The following DGKB variants were observed in gnomAD, a reference collection of about 807,000 sequenced individuals.
The protein encoded by DGKB is diacylglycerol kinase beta, also known as 90 kDa diacylglycerol kinase.
Under a neutral mutation model 114.3 loss-of-function variants are expected in DGKB, and 67 were observed. The ratio of observed to expected loss-of-function variants is 0.59; its 90% confidence interval spans 0.48 to 0.72. DGKB has a LOEUF of 0.72. Ranked by LOEUF, DGKB falls within the 30% of genes least tolerant of loss-of-function variation. The pLI, the probability that DGKB is intolerant of heterozygous loss-of-function variation, is 0.00. For missense variants in DGKB, 907 were observed against 975.2 expected (o/e 0.93, Z 0.93); for synonymous variants, 398 against 323.1 (o/e 1.23, Z -2.49).
chr7:14,475,477 A>G (rs1782032075), intron 21 of DGKB, among the ~76,000 whole-genome samples: 1 of 152,170 alleles, frequency 6.6e-6, no homozygotes, highest in African/African-American at 2.4e-5. Flanking sequence ...ATTGAAACAT[A>G]CATGCCTAAT....
chr7:14,614,352 AATGTAACCCT>A, intron 15 of DGKB, among the ~76,000 whole-genome samples: 1 of 152,222 alleles, frequency 6.6e-6, no homozygotes, highest in South Asian at 2.1e-4. Context: ...ATTCCTATTC[AATGTAACCCT>A]ATGTAACTCC....
intron 21 of DGKB, among the ~76,000 whole-genome samples, chr7:14,388,855 T>A (rs1395612447): frequency 1.3e-5 from 2 of 152,160 alleles, no homozygotes; most frequent in Non-Finnish European, 2.9e-5. Flanking sequence ...AGAAGCTTGT[T>A]GAACTCCTTC....
intron 2 of DGKB, among the ~76,000 whole-genome samples, chr7:14,823,316 G>A (rs968362248): frequency 7.9e-5 from 12 of 151,826 alleles, no homozygotes; most frequent in Admixed American, 5.3e-4. Context: ...TCTAAAACCA[G>A]CAGATTAAAA....
rs1821036970 is a variant in DGKB at position 14,682,686 on chromosome 7, A to T, written c.919-17T>A. ...GTGCATGACCTAGAACAGAATGACA[A>T]CATTGTGATAAGAGGACACACTACA... is the stretch of plus-strand genomic sequence containing the variant. On this transcript the variant is annotated splice_polypyrimidine_tract_variant and intron_variant, in intron 11 of 25. Coordinates refer to ENST00000402815, the MANE Select transcript of DGKB (RefSeq NM_001350709.2). 2 of 1,609,080 alleles carry T rather than the reference A, an allele frequency of 1.2e-6. No homozygotes were observed. The highest frequency in any genetic ancestry group is 1.7e-6 in the Non-Finnish European group (2 of 1,175,678).
intron 23 of DGKB, among the ~76,000 whole-genome samples, chr7:14,213,461 G>A (rs945183316): frequency 6.6e-6 from 1 of 152,142 alleles, no homozygotes; most frequent in African/African-American, 2.4e-5. Flanking sequence ...AGCATCGTCT[G>A]TCATTTATTC....
chr7:14,964,766 GATA>G (rs1787055725), intron 1 of DGKB, among the ~76,000 whole-genome samples: 1 of 152,084 alleles, frequency 6.6e-6, no homozygotes, highest in Non-Finnish European at 1.5e-5. Context: ...CATTAAATGA[GATA>G]AGATGCAAAA....
intron 1 of DGKB, among the ~76,000 whole-genome samples, chr7:14,921,196 G>A (rs1784495229): frequency 6.6e-6 from 1 of 152,108 alleles, no homozygotes; most frequent in Non-Finnish European, 1.5e-5. Context: ...GTGAGTAGGT[G>A]AGATTTTTAG....
chr7:14,818,752 A>G (rs371483331), intron 2 of DGKB, among the ~76,000 whole-genome samples: 101 of 152,290 alleles, frequency 6.6e-4, no homozygotes, highest in African/African-American at 2.2e-3. Flanking sequence ...GAAGGGAATG[A>G]GGATAAAGGC....
intron 20 of DGKB, among the ~76,000 whole-genome samples, chr7:14,520,832 T>C (rs1039248066): frequency 1.6e-4 from 25 of 152,102 alleles, no homozygotes; most frequent in Non-Finnish European, 3.7e-4. Context: ...AGTCGATAAA[T>C]GCCAGCAATG....
At chr7:14,582,403 C>T (rs1031477848) in intron 18 of DGKB, among the ~76,000 whole-genome samples, 15 of 152,066 alleles carry the variant, frequency 9.9e-5, no homozygotes, top group African/African-American at 2.4e-4. Context: ...AAAAATCGAG[C>T]GTTTTCAGTT....
intron 20 of DGKB, among the ~76,000 whole-genome samples, chr7:14,548,936 T>G (rs563049687): frequency 3.0e-4 from 46 of 151,856 alleles, no homozygotes; most frequent in Non-Finnish European, 6.5e-4. Context: ...TCTAGATGAG[T>G]GATCTAGGGC....
chr7:14,338,799 G>T, intron 22 of DGKB, 89 bp from the exon 23 acceptor site: 1 of 836,336 alleles, frequency 1.2e-6, no homozygotes. Context: ...CTTTTAATAA[G>T]TGCGTTGAAA....
At chr7:14,769,226 GAGAGAAAGAAAGAAAGAA>G (rs1341062914) in intron 2 of DGKB, among the ~76,000 whole-genome samples, 2 of 137,522 alleles carry the variant, frequency 1.5e-5, no homozygotes, top group Non-Finnish European at 3.1e-5. Flanking sequence ...GAGAAAGAGA[GAGAGAAAGAAAGAAAGAA>G]AGAAAGAAAG....
intron 4 of DGKB, among the ~76,000 whole-genome samples, chr7:14,748,211 A>G (rs1264242461): frequency 6.6e-6 from 1 of 152,206 alleles, no homozygotes; most frequent in Non-Finnish European, 1.5e-5. Flanking sequence ...AGAACACACA[A>G]AATTCCTTCC....
chr7:14,428,001 T>C (rs771363332), intron 21 of DGKB, among the ~76,000 whole-genome samples: 1 of 152,170 alleles, frequency 6.6e-6, no homozygotes, highest in African/African-American at 2.4e-5. Flanking sequence ...TACCAGCACA[T>C]CAATTTTCTA....
chr7:14,887,405 C>T (rs1309868195), intron 1 of DGKB, among the ~76,000 whole-genome samples: 1 of 151,740 alleles, frequency 6.6e-6, no homozygotes, highest in East Asian at 1.9e-4. Context: ...ATTTCTCTAC[C>T]TCTTCTCTAT....
chr7:14,314,174 G>T (rs2128513529), intron 23 of DGKB, among the ~76,000 whole-genome samples: 1 of 152,192 alleles, frequency 6.6e-6, no homozygotes, highest in Admixed American at 6.5e-5. Context: ...AAACCACAAA[G>T]ATGGGGAAAA....
At chr7:14,901,332 C>T (rs1204940994) in intron 1 of DGKB, among the ~76,000 whole-genome samples, 2 of 152,096 alleles carry the variant, frequency 1.3e-5, no homozygotes, top group African/African-American at 4.8e-5. Flanking sequence ...AAGAGTAGTC[C>T]TTGGTTACCC....
chr7:14,601,562 T>C (rs771637265), intron 17 of DGKB, among the ~76,000 whole-genome samples: 1 of 152,202 alleles, frequency 6.6e-6, no homozygotes, highest in Non-Finnish European at 1.5e-5. Context: ...TCCCTTTTGA[T>C]GACAAATTCT....
Sources: allele counts gnomAD v4.1 joint callset (sites outside exome capture counted in the v4.1 genomes callset), GRCh38; gene constraint gnomAD v4.1.1; transcripts MANE v1.5; gene names NCBI Gene and HGNC (gene_info 2026-07-23, HGNC 2026-07-21).